The following LASP1 variants were observed in gnomAD, a reference collection of about 807,000 sequenced individuals.
The protein encoded by LASP1 is LIM and SH3 protein 1, also known as LIM and SH3 domain protein 1.
In LASP1, 10 loss-of-function variants were observed where a neutral mutation model predicts 38.6. The ratio of observed to expected loss-of-function variants is 0.26; its 90% confidence interval spans 0.16 to 0.44. The LOEUF (loss-of-function observed/expected upper bound fraction) is 0.44, where lower values mean the gene tolerates loss of function less well. Among genes scored for constraint, LASP1 ranks in the 20% least tolerant of loss-of-function variants. The pLI, the probability that LASP1 is intolerant of heterozygous loss-of-function variation, is 1.00. For missense variants in LASP1, 243 were observed against 375.7 expected (o/e 0.65, Z 2.92); for synonymous variants, 132 against 140.8 (o/e 0.94, Z 0.44).
chr17:38,876,775 C>T (rs1379249842), intron 1 of LASP1, among the ~76,000 whole-genome samples: 1 of 150,948 alleles, frequency 6.6e-6, no homozygotes, highest in African/African-American at 2.4e-5. Flanking sequence ...CTCTGTCACC[C>T]AGACTGGAGT....
chr17:38,893,024 C>T (rs1226484998), intron 3 of LASP1, among the ~76,000 whole-genome samples: 1 of 152,214 alleles, frequency 6.6e-6, no homozygotes, highest in Admixed American at 6.5e-5. Context: ...TGCAAGCATG[C>T]ACGCATGTAT....
chr17:38,895,007 G>C (rs1010811289), intron 3 of LASP1, among the ~76,000 whole-genome samples: 1 of 151,930 alleles, frequency 6.6e-6, no homozygotes, highest in Non-Finnish European at 1.5e-5. Context: ...CAAAGTGCTG[G>C]GATTACAGGT....
chr17:38,912,858 C>T (rs1403780230), intron 4 of LASP1, among the ~76,000 whole-genome samples: 1 of 152,216 alleles, frequency 6.6e-6, no homozygotes, highest in African/African-American at 2.4e-5. Context: ...GCTCTGGACA[C>T]AAATGGGCCA....
intron 1 of LASP1, 79 bp from the exon 2 acceptor site, chr17:38,878,007 G>A (rs975483176): frequency 1.9e-6 from 2 of 1,030,554 alleles, no homozygotes; most frequent in African/African-American, 3.1e-5. Flanking sequence ...AGCAGCTCCT[G>A]AGTGCCCCTT....
intron 1 of LASP1, 55 bp from the exon 2 acceptor site, chr17:38,878,031 C>A: frequency 7.4e-7 from 1 of 1,355,196 alleles, no homozygotes; most frequent in Non-Finnish European, 1.1e-6. Context: ...AGGGCCTGAG[C>A]CCCTTTTTCA....
intron 3 of LASP1, among the ~76,000 whole-genome samples, chr17:38,891,436 G>T (rs1488849680): frequency 6.6e-6 from 1 of 152,090 alleles, no homozygotes; most frequent in Non-Finnish European, 1.5e-5. Flanking sequence ...CTTTTGTCAG[G>T]CTTTCCATGC....
chr17:38,889,019 CAA>C (rs1034811753), intron 2 of LASP1, among the ~76,000 whole-genome samples: 13 of 152,328 alleles, frequency 8.5e-5, no homozygotes, highest in African/African-American at 3.1e-4. Flanking sequence ...TCCCATCTGT[CAA>C]AGGGGTACGC....
chr17:38,880,426 T>G (rs1913910803), intron 2 of LASP1, among the ~76,000 whole-genome samples: 1 of 152,264 alleles, frequency 6.6e-6, no homozygotes, highest in South Asian at 2.1e-4. Context: ...TCAAGGTTTC[T>G]TCTCTGGGTG....
At chr17:38,901,642 T>C (rs2143797445) in intron 4 of LASP1, among the ~76,000 whole-genome samples, 1 of 152,320 alleles carries the variant, frequency 6.6e-6, no homozygotes, top group Admixed American at 6.5e-5. Flanking sequence ...ACACATTCCC[T>C]GGGTTTCTGT....
intron 3 of LASP1, among the ~76,000 whole-genome samples, chr17:38,897,867 T>C (rs529270227): frequency 6.6e-6 from 1 of 152,340 alleles, no homozygotes; most frequent in East Asian, 1.9e-4. Flanking sequence ...AGCTGGTTGC[T>C]GAAAAGCTCC....
At chr17:38,871,816 G>A (rs766632415) in intron 1 of LASP1, among the ~76,000 whole-genome samples, 5 of 152,076 alleles carry the variant, frequency 3.3e-5, no homozygotes, top group African/African-American at 9.7e-5. Flanking sequence ...TTGTGGGCAC[G>A]AGGAAAGTTG....
intron 4 of LASP1, chr17:38,904,654 T>TAAG (rs1439587469): frequency 5.3e-5 from 8 of 151,852 alleles, no homozygotes; most frequent in Non-Finnish European, 7.4e-5. Context: ...CAGAAATGGT[T>TAAG]AAGGGCCTAC....
intron 4 of LASP1, among the ~76,000 whole-genome samples, chr17:38,901,403 G>A (rs559487705): frequency 2.6e-5 from 4 of 152,342 alleles, no homozygotes; most frequent in East Asian, 3.8e-4. Flanking sequence ...GATCGACCCC[G>A]ACCTGCTAGC....
At chr17:38,890,022 T>C (rs1196591829) in intron 2 of LASP1, among the ~76,000 whole-genome samples, 1 of 152,248 alleles carries the variant, frequency 6.6e-6, no homozygotes, top group Non-Finnish European at 1.5e-5. Context: ...GCTGAAAGCT[T>C]AGTCCTGACT....
intron 2 of LASP1, among the ~76,000 whole-genome samples, chr17:38,879,161 C>CTTTTTTTTT (rs55952948): frequency 3.2e-5 from 4 of 123,682 alleles, no homozygotes; most frequent in South Asian, 2.7e-4. Flanking sequence ...TTTTAATTTG[C>CTTTTTTTTT]TTTTTTTTTT....
At chr17:38,876,143 A>T (rs1913766927) in intron 1 of LASP1, among the ~76,000 whole-genome samples, 1 of 149,748 alleles carries the variant, frequency 6.7e-6, no homozygotes. Context: ...AGACCCCTCC[A>T]GGCTGCCACG....
At chr17:38,886,616 C>T (rs1045435177) in intron 2 of LASP1, among the ~76,000 whole-genome samples, 1 of 152,134 alleles carries the variant, frequency 6.6e-6, no homozygotes, top group African/African-American at 2.4e-5. Flanking sequence ...CTGCCAACCC[C>T]ACCCAAGGTG....
intron 4 of LASP1, among the ~76,000 whole-genome samples, chr17:38,899,394 G>T (rs1042453960): frequency 6.6e-6 from 1 of 152,202 alleles, no homozygotes; most frequent in African/African-American, 2.4e-5. Flanking sequence ...ACTGGGGATA[G>T]AGATTGCCGG....
At chr17:38,913,502 C>T (rs1200099394) in intron 4 of LASP1, among the ~76,000 whole-genome samples, 3 of 152,208 alleles carry the variant, frequency 2.0e-5, no homozygotes, top group Non-Finnish European at 2.9e-5. Flanking sequence ...ACTCACTTCA[C>T]TTATCAATCC....
Sources: gnomAD v4.1 joint callset for allele counts (sites outside exome capture counted in the v4.1 genomes callset) on GRCh38, gnomAD v4.1.1 for gene constraint, MANE v1.5 for transcripts, NCBI Gene and HGNC (gene_info 2026-07-23, HGNC 2026-07-21) for gene names.